Variants in CDH15 observed in about 807,000 individuals in gnomAD.
The protein encoded by CDH15 is cadherin-15.
A neutral mutation model predicts 69.4 loss-of-function variants in CDH15; 73 were observed. The observed-to-expected ratio is 1.05, with a 90% CI of 0.87 to 1.28. The LOEUF (loss-of-function observed/expected upper bound fraction) is 1.28. Ranked by LOEUF, CDH15 falls within the 50% of genes most tolerant of loss-of-function variation. The probability of loss-of-function intolerance (pLI) is 0.00; values close to 1 mark genes in which losing one functional copy is unlikely to be tolerated. For synonymous variants in CDH15, 624 were observed against 507.7 expected, an observed-to-expected ratio of 1.23 and a Z score of -3.08; for missense variants, 1,343 against 1,133.6, an observed-to-expected ratio of 1.18 and a Z score of -2.65.
intron 8 of CDH15, among the ~76,000 whole-genome samples, 195 bp downstream of exon 8, chr16:89,190,691 C>T (rs915097973): frequency 6.6e-6 from 1 of 152,092 alleles, no homozygotes; most frequent in Non-Finnish European, 1.5e-5. Flanking sequence ...CCCCCTAGGG[C>T]AGGCCCAACT....
chr16:89,192,566 C>G, intron 11 of CDH15, 122 bp downstream of exon 11: 2 of 762,612 alleles, frequency 2.6e-6, no homozygotes, highest in East Asian at 5.4e-5. Context: ...AACCCCGCCC[C>G]CTCATTACCA....
rs766936067 is a variant in CDH15, at chr16:89,179,466, G to C, written c.93G>C (p.Leu31=). The C allele has an allele frequency of 4.3e-6, 7 of 1,613,576 alleles. 1 individual carries two copies. Among genetic ancestry groups the C allele is most frequent in the South Asian group, 1.1e-5 (1 of 91,092 alleles). The change falls in exon 2 of 14, where the codon CTG becomes CTC. Residue 31 remains leucine, a synonymous_variant. Coordinates refer to ENST00000289746, the MANE Select transcript of CDH15 (RefSeq NM_004933.3). The part of the protein sequence containing the change: ...GVPGWRRPTT[L]YPWRRAPALS... ...CTGGATGGAGGAGGCCCACCACCCT[G>C]TACCCCTGGCGCCGGGCGCCTGCCC...
At chr16:89,185,697 G>A (rs1915468542) in intron 5 of CDH15, 2 of 358,808 alleles carry the variant, frequency 5.6e-6, no homozygotes, top group Non-Finnish European at 1.1e-5. Flanking sequence ...CGGTGCTCCC[G>A]GAAGACCCCC....
chr16:89,186,065 GTGGTGCTCTGT>G (rs1915477494), intron 5 of CDH15: 1 of 142,584 alleles, frequency 7.0e-6, no homozygotes, highest in African/African-American at 2.7e-5. Flanking sequence ...CCAGCGCACA[GTGGTGCTCTGT>G]AAACGCTTAC....
chr16:89,194,758 C>A, intron 13 of CDH15, 104 bp from the exon 14 acceptor site: 1 of 1,198,784 alleles, frequency 8.3e-7, no homozygotes. Flanking sequence ...GCTTCCCCTT[C>A]CTGAGCCCGT....
intron 11 of CDH15, 32 bp from the exon 12 acceptor site, chr16:89,193,438 C>T (rs759263480): frequency 6.3e-7 from 1 of 1,583,756 alleles, no homozygotes; most frequent in South Asian, 1.1e-5. Flanking sequence ...CGCCCTGTGC[C>T]TGGCCCCAGC....
chr16:89,189,972 C>T (rs1915600002), intron 7 of CDH15, among the ~76,000 whole-genome samples: 1 of 152,232 alleles, frequency 6.6e-6, no homozygotes, highest in Non-Finnish European at 1.5e-5. Context: ...CAGGGGCTGG[C>T]GCCATCCCCC....
rs373069201 is a variant in CDH15, at chr16:89,187,507, A to G, written c.742A>G (p.Ile248Val). The change falls in exon 6 of 14, where the codon ATC (isoleucine) becomes GTC (valine). Residue 248 changes from isoleucine (I) to valine (V), a missense_variant. By Grantham distance (29) the Ile-to-Val change is conservative. Coordinates refer to ENST00000289746, the MANE Select transcript of CDH15 (RefSeq NM_004933.3). ...CCTCACAGCCACTGCCTCAGCCATC[A>G]TCACCCTTGATGACATCAATGACAA... Reference protein sequence around the residue: ...DGLTATASAIITLDDINDNAP... With the variant: ...DGLTATASAIVTLDDINDNAP... The G allele has an allele frequency of 1.2e-6, 2 of 1,613,706 alleles. No homozygotes were observed. Among genetic ancestry groups the G allele is most frequent in the Non-Finnish European group, 1.7e-6 (2 of 1,179,986 alleles).
chr16:89,174,868 G>T (rs2151597308), intron 1 of CDH15, among the ~76,000 whole-genome samples: 1 of 152,320 alleles, frequency 6.6e-6, no homozygotes, highest in East Asian at 1.9e-4. Context: ...GCAGGGCTGT[G>T]GGCTGGCTGC....
At chr16:89,183,348 G>C in intron 3 of CDH15, 200 bp from the exon 4 acceptor site, 1 of 611,260 alleles carries the variant, frequency 1.6e-6, no homozygotes, top group Non-Finnish European at 2.9e-6. Flanking sequence ...TGCCCTGTCT[G>C]CTAAGGGAAG....
chr16:89,182,563 A>C (rs952205238), intron 3 of CDH15: 2 of 151,600 alleles, frequency 1.3e-5, no homozygotes, highest in African/African-American at 4.9e-5. Flanking sequence ...AATCACTTGA[A>C]CCCAGGAAGT....
chr16:89,188,976 T>C (rs1164107510), intron 7 of CDH15, among the ~76,000 whole-genome samples: 2 of 117,554 alleles, frequency 1.7e-5, no homozygotes, highest in Non-Finnish European at 3.3e-5. Context: ...CACACATAGA[T>C]GCCCACACAC....
chr16:89,187,842 T>G (rs1915524112), intron 6 of CDH15, among the ~76,000 whole-genome samples: 1 of 152,166 alleles, frequency 6.6e-6, no homozygotes, highest in Non-Finnish European at 1.5e-5. Flanking sequence ...CTCCGGCCTT[T>G]GCTGTATGGG....
At chr16:89,187,390 T>G (rs1915513397) in intron 5 of CDH15, 39 bp from the exon 6 acceptor site, 1 of 1,609,990 alleles carries the variant, frequency 6.2e-7, no homozygotes, top group Non-Finnish European at 8.5e-7. Context: ...GTGCCCCACC[T>G]GGGCCCTCAT....
chr16:89,190,502 G>T lies in CDH15; in HGVS notation c.1232+6G>T. ...GAGCAGCTGCAGAGGCTCAGGTGGGGCTCCTGAGGCCCTGGGAGAGGTAGA... is the reference window on the plus strand; with the variant it reads ...GAGCAGCTGCAGAGGCTCAGGTGGGTCTCCTGAGGCCCTGGGAGAGGTAGA... On this transcript the variant is annotated splice_donor_region_variant and intron_variant, in intron 8 of 13. Transcript: ENST00000289746. 1 of 1,585,698 alleles carries T rather than the reference G, an allele frequency of 6.3e-7. No individual in the cohort carries two copies. Among genetic ancestry groups the T allele is most frequent in the Non-Finnish European group, 8.6e-7 (1 of 1,167,036 alleles).
chr16:89,192,423 G>T lies in CDH15; in HGVS notation c.1834G>T (p.Ala612Ser). The change falls in exon 11 of 14, where the codon GCC (alanine) becomes TCC (serine). Residue 612 changes from alanine (A) to serine (S), a missense_variant. Coordinates refer to ENST00000289746, the MANE Select transcript of CDH15 (RefSeq NM_004933.3). ...LSLGALVIVL[A>S]SALLLLVLVL... ...CCTGGGCGCACTGGTCATCGTGCTG[G>T]CCAGCGCCCTCCTGCTGCTGGGTGA... 1 of 1,551,708 alleles carries T rather than the reference G, an allele frequency of 6.4e-7. No homozygotes were observed. Among genetic ancestry groups the T allele is most frequent in the Non-Finnish European group, 8.7e-7 (1 of 1,155,958 alleles).
At chr16:89,188,700 GCACAGATGGCGGCACA>G (rs1915556039) in intron 7 of CDH15, among the ~76,000 whole-genome samples, 1 of 67,748 alleles carries the variant, frequency 1.5e-5, no homozygotes, top group Non-Finnish European at 3.1e-5. Flanking sequence ...AGATGCCCAC[GCACAGATGGCGGCACA>G]CACAGATGCC....
intron 3 of CDH15, among the ~76,000 whole-genome samples, chr16:89,180,974 C>CA (rs1915364672): frequency 1.0e-5 from 1 of 96,988 alleles, no homozygotes; most frequent in Non-Finnish European, 1.9e-5. Context: ...CGCGCCCGAC[C>CA]TTTTTTTTTT....
intron 7 of CDH15, among the ~76,000 whole-genome samples, chr16:89,188,696 C>CAG (rs1915555642): frequency 7.7e-6 from 1 of 130,478 alleles, no homozygotes; most frequent in African/African-American, 2.9e-5. Context: ...ACACAGATGC[C>CAG]CACGCACAGA....
Sources: gnomAD v4.1 joint callset for allele counts (sites outside exome capture counted in the v4.1 genomes callset) on GRCh38, gnomAD v4.1.1 for gene constraint, MANE v1.5 for transcripts, NCBI Gene and HGNC (gene_info 2026-07-23, HGNC 2026-07-21) for gene names.